The following BNC2 variants were observed in gnomAD, a reference collection of about 807,000 sequenced individuals.
BNC2 encodes zinc finger protein basonuclin-2.
A neutral mutation model predicts 76.3 loss-of-function variants in BNC2; 20 were observed. That is an observed-to-expected ratio of 0.26 (90% CI 0.18 to 0.38). The LOEUF (loss-of-function observed/expected upper bound fraction) is 0.38, where lower values mean the gene tolerates loss of function less well. BNC2 is among the 10% of genes least tolerant of loss of function. The pLI is 1.00. For synonymous variants in BNC2, 582 were observed against 514.8 expected, an observed-to-expected ratio of 1.13 and a Z score of -1.77; for missense variants, 1,382 against 1,399.8, an observed-to-expected ratio of 0.99 and a Z score of 0.20.
chr9:16,461,559 T>C (rs1821581170), intron 5 of BNC2, among the ~76,000 whole-genome samples: 1 of 139,328 alleles, frequency 7.2e-6, no homozygotes, highest in Non-Finnish European at 1.5e-5. Flanking sequence ...AACGTTTCAA[T>C]CCAGCGCCTG....
chr9:16,797,912 A>C (rs1489636409), intron 1 of BNC2, among the ~76,000 whole-genome samples: 1 of 152,160 alleles, frequency 6.6e-6, no homozygotes, highest in East Asian at 1.9e-4. Context: ...ATCCACAGGA[A>C]AGGAAGAGAT....
intron 3 of BNC2, among the ~76,000 whole-genome samples, chr9:16,646,869 T>A (rs1821643260): frequency 6.6e-6 from 1 of 152,024 alleles, no homozygotes; most frequent in African/African-American, 2.4e-5. Context: ...CCATAGAGGG[T>A]CTACTGGGAT....
chr9:16,843,534 A>C (rs372257276), intron 1 of BNC2, among the ~76,000 whole-genome samples: 2 of 152,210 alleles, frequency 1.3e-5, no homozygotes, highest in African/African-American at 4.8e-5. Flanking sequence ...GGGTTTTGCC[A>C]TGTTGGCCAG....
At chr9:16,691,084 G>C (rs1015059162) in intron 3 of BNC2, among the ~76,000 whole-genome samples, 5 of 152,158 alleles carry the variant, frequency 3.3e-5, no homozygotes, top group Admixed American at 2.0e-4. Flanking sequence ...TGAAATATGG[G>C]ATAAAAGGTA....
intron 3 of BNC2, among the ~76,000 whole-genome samples, chr9:16,611,950 A>G (rs1291272949): frequency 6.6e-6 from 1 of 152,126 alleles, no homozygotes; most frequent in Admixed American, 6.6e-5. Context: ...TCTTTCTTCT[A>G]ACTAGACCAC....
chr9:16,766,448 G>A (rs1438289975), intron 1 of BNC2, among the ~76,000 whole-genome samples: 3 of 152,008 alleles, frequency 2.0e-5, no homozygotes, highest in East Asian at 1.9e-4. Context: ...CTCCAATCTG[G>A]ACCTAAATCA....
Position 16,501,163 on chromosome 9 carries a change from C to T in BNC2, c.669+51367G>A, listed in dbSNP as rs74752174. ...AAAATGAGCAAATATAAGTAACGCA[C>T]TTAAAATTATATATGTGCTCTCTAA... On this transcript the variant is annotated intron_variant, in intron 5 of 6. Coordinates refer to ENST00000380672, the MANE Select transcript of BNC2 (RefSeq NM_017637.6). Among the ~76,000 whole-genome samples the T allele has an allele frequency of 3.6e-3, 550 of 152,300 alleles. 19 individuals are homozygous for T. The East Asian group carries it at 0.073, about 20-fold the overall frequency.
intron 1 of BNC2, among the ~76,000 whole-genome samples, chr9:16,799,948 G>A (rs1183886486): frequency 6.6e-6 from 1 of 152,052 alleles, no homozygotes. Context: ...GTAGAGGCCG[G>A]GCGCGGTGGC....
chr9:16,651,883 G>C (rs1821804481), intron 3 of BNC2, among the ~76,000 whole-genome samples: 1 of 152,134 alleles, frequency 6.6e-6, no homozygotes, highest in Non-Finnish European at 1.5e-5. Flanking sequence ...AAGACGATTA[G>C]CATGTATATA....
At chr9:16,718,564 A>G (rs983737474) in intron 3 of BNC2, among the ~76,000 whole-genome samples, 2 of 152,170 alleles carry the variant, frequency 1.3e-5, no homozygotes, top group Non-Finnish European at 2.9e-5. Flanking sequence ...TCCTAGCGCA[A>G]TTCTAATTTA....
intron 4 of BNC2, among the ~76,000 whole-genome samples, chr9:16,574,933 G>T (rs1177435906): frequency 6.6e-6 from 1 of 152,122 alleles, no homozygotes; most frequent in Admixed American, 6.6e-5. Context: ...CCACTGGCCT[G>T]GCCACACCCA....
At chr9:16,767,484 G>C (rs538439816) in intron 1 of BNC2, among the ~76,000 whole-genome samples, 83 of 152,222 alleles carry the variant, frequency 5.5e-4, no homozygotes, top group African/African-American at 1.9e-3. Flanking sequence ...TTTTTTTGTA[G>C]AGCTGAGCCT....
rs1431416345 is a variant in BNC2 at position 16,616,837 on chromosome 9, A to AAGGAAGGAAGGAAGGAAGTAAGTT, written c.331-33753_331-33752insAACTTACTTCCTTCCTTCCTTCCT. 2.0e-5 allele frequency among the ~76,000 whole-genome samples: 3 copies of AAGGAAGGAAGGAAGGAAGTAAGTT among 149,930 alleles called. No individual in the cohort carries two copies. In the Admixed American group the frequency reaches 2.0e-4, roughly 10 times the overall value. On this transcript the variant is annotated intron_variant, in intron 3 of 6. Coordinates refer to ENST00000380672, the MANE Select transcript of BNC2 (RefSeq NM_017637.6). Reference sequence around the variant, plus strand: ...GAAGGAAGAAAGGAAGGAAGGAAGGAAGTTCTACTGACACGTGGGAATTTC... The same window carrying AAGGAAGGAAGGAAGGAAGTAAGTT: ...GAAGGAAGAAAGGAAGGAAGGAAGGAAGGAAGGAAGGAAGGAAGTAAGTTAGTTCTACTGACACGTGGGAATTTC...
intron 3 of BNC2, among the ~76,000 whole-genome samples, chr9:16,608,305 C>A (rs894976754): frequency 2.0e-5 from 3 of 152,128 alleles, no homozygotes; most frequent in African/African-American, 7.2e-5. Flanking sequence ...AAAAGCTAAG[C>A]ACAGTGATAG....
chr9:16,690,611 A>G (rs2134411465), intron 3 of BNC2, among the ~76,000 whole-genome samples: 1 of 152,224 alleles, frequency 6.6e-6, no homozygotes, highest in East Asian at 1.9e-4. Flanking sequence ...TCATTGTTAT[A>G]GAGTCAGATA....
At chr9:16,847,401 C>CG (rs869051853) in intron 1 of BNC2, among the ~76,000 whole-genome samples, 19 of 10,338 alleles carry the variant, frequency 1.8e-3, no homozygotes, top group South Asian at 3.3e-3. Context: ...TTTCTCGGGG[C>CG]GGGGGGGGGG....
intron 5 of BNC2, among the ~76,000 whole-genome samples, chr9:16,498,941 C>T (rs1822458540): frequency 6.6e-6 from 1 of 152,092 alleles, no homozygotes; most frequent in Non-Finnish European, 1.5e-5. Flanking sequence ...AATGTGAATA[C>T]AAACAACAGA....
intron 1 of BNC2, among the ~76,000 whole-genome samples, chr9:16,793,110 C>A (rs942131918): frequency 6.6e-6 from 1 of 152,144 alleles, no homozygotes. Flanking sequence ...TTTAATATAA[C>A]AACAGGATTG....
chr9:16,866,482 C>T (rs770138953), intron 1 of BNC2, among the ~76,000 whole-genome samples: 16 of 151,682 alleles, frequency 1.1e-4, no homozygotes, highest in African/African-American at 3.6e-4. Flanking sequence ...CCTCCTAAAA[C>T]GAGAGTAACT....
Sources: allele counts gnomAD v4.1 joint callset (sites outside exome capture counted in the v4.1 genomes callset), GRCh38; gene constraint gnomAD v4.1.1; transcripts MANE v1.5; gene names NCBI Gene and HGNC (gene_info 2026-07-23, HGNC 2026-07-21).